CD44: variants seen among roughly 807,000 people sequenced by gnomAD.
CD44 encodes the protein CD44 antigen.
CD44 carries 49 observed loss-of-function variants against 88.8 expected under a neutral mutation model. The observed-to-expected ratio is 0.55, with a 90% confidence interval of 0.44 to 0.70. The LOEUF (loss-of-function observed/expected upper bound fraction) is 0.70, where lower values mean the gene tolerates loss of function less well. CD44 is among the 30% of genes least tolerant of loss of function. CD44 has a pLI of 0.00. For missense variants in CD44, 883 were observed against 913.8 expected (o/e 0.97, Z 0.43); for synonymous variants, 325 against 312.3 (o/e 1.04, Z -0.43).
chr11:35,229,049 G>C, intron 17 of CD44, 80 bp from the exon 18 acceptor site: 1 of 1,143,494 alleles, frequency 8.7e-7, no homozygotes, highest in Non-Finnish European at 1.3e-6. Context: ...GATCATCAAT[G>C]ATGGTGCTCA....
chr11:35,201,412 A>C (rs1947306697), intron 8 of CD44, among the ~76,000 whole-genome samples: 1 of 152,186 alleles, frequency 6.6e-6, no homozygotes, highest in Non-Finnish European at 1.5e-5. Context: ...GATAAAAATG[A>C]ATATGTTTGA....
chr11:35,193,816 A>C (rs1419631770), intron 5 of CD44, among the ~76,000 whole-genome samples: 3 of 152,240 alleles, frequency 2.0e-5, no homozygotes, highest in Admixed American at 6.5e-5. Context: ...ATATTGAATT[A>C]GAATAAAAAG....
chr11:35,142,970 T>A (rs1218361508), intron 1 of CD44, among the ~76,000 whole-genome samples: 2 of 152,114 alleles, frequency 1.3e-5, no homozygotes, highest in Non-Finnish European at 2.9e-5. Context: ...AGGGCATTTC[T>A]CTCATGTATC....
At chr11:35,157,317 G>GTCTA (rs1174911128) in intron 1 of CD44, among the ~76,000 whole-genome samples, 14 of 132,728 alleles carry the variant, frequency 1.1e-4, no homozygotes, top group Non-Finnish European at 1.7e-4. Context: ...CTATCTGTCT[G>GTCTA]TCTGTCTATC....
chr11:35,187,820 A>G (rs1487135814), intron 4 of CD44, among the ~76,000 whole-genome samples: 2 of 152,230 alleles, frequency 1.3e-5, no homozygotes. Flanking sequence ...TTTATACCAC[A>G]TCCATCTTAA....
intron 1 of CD44, among the ~76,000 whole-genome samples, chr11:35,161,782 G>A (rs907485043): frequency 6.6e-6 from 1 of 152,160 alleles, no homozygotes; most frequent in Non-Finnish European, 1.5e-5. Context: ...TCTTCTTATG[G>A]ACTGTGGGAG....
At chr11:35,207,057 A>G (rs1257008599) in intron 11 of CD44, among the ~76,000 whole-genome samples, 1 of 152,246 alleles carries the variant, frequency 6.6e-6, no homozygotes, top group Non-Finnish European at 1.5e-5. Context: ...AAGAGGGAAG[A>G]TGAACAAGAG....
At chr11:35,197,554 T>A (rs568410403) in intron 6 of CD44, 1 of 152,696 alleles carries the variant, frequency 6.5e-6, no homozygotes, top group African/African-American at 2.4e-5. Flanking sequence ...TTTTGCTCTA[T>A]GCTGAAGTAG....
Position 35,196,504 on chromosome 11 carries a change from C to T in CD44, c.668-242C>T, listed in dbSNP as rs540687278. On this transcript the variant is annotated intron_variant, in intron 5 of 17. Transcript: ENST00000428726. ...GCTCTGTCCAGCAAAATTTTTAAAT[C>T]TTTAATATAAGGAGCATGAACCAGA... Among the ~76,000 whole-genome samples, 9 of 145,874 alleles carry T rather than the reference C, an allele frequency of 6.2e-5. 1 individual carries two copies. The highest frequency in any genetic ancestry group is 4.1e-4 in the Admixed American group (6 of 14,552).
intron 1 of CD44, among the ~76,000 whole-genome samples, chr11:35,149,429 C>T (rs893074400): frequency 6.6e-6 from 1 of 152,164 alleles, no homozygotes; most frequent in East Asian, 1.9e-4. Flanking sequence ...TTAACAGCAG[C>T]GTGAGCTTGG....
At chr11:35,171,574 C>T in intron 1 of CD44, among the ~76,000 whole-genome samples, 1 of 152,164 alleles carries the variant, frequency 6.6e-6, no homozygotes, top group Non-Finnish European at 1.5e-5. Flanking sequence ...CACACACTCA[C>T]TTGCATACAA....
intron 17 of CD44, among the ~76,000 whole-genome samples, chr11:35,226,491 T>C (rs1377359061): frequency 6.6e-6 from 1 of 152,162 alleles, no homozygotes; most frequent in Non-Finnish European, 1.5e-5. Flanking sequence ...ACGAGGTAGG[T>C]GGAGGCAGCC....
rs1465992153 is a variant in CD44 at position 35,176,751 on chromosome 11, A to G, written c.233+11A>G. 1.2e-6 allele frequency: 2 copies of G among 1,611,824 alleles called. No homozygotes were observed. On this transcript the variant is annotated intron_variant, in intron 2 of 17. Coordinates refer to ENST00000428726, the MANE Select transcript of CD44 (RefSeq NM_000610.4). ...ATTTGAGACCTGCAGGTAAGAGACC[A>G]GCACCCGACCACTGGGGAAAGCTGG... is the stretch of plus-strand genomic sequence containing the variant.
chr11:35,199,931 G>GTTTT (rs1565118834), intron 7 of CD44, among the ~76,000 whole-genome samples: 1 of 36,164 alleles, frequency 2.8e-5, no homozygotes, highest in African/African-American at 7.6e-5. Context: ...TTCCCATGGT[G>GTTTT]TTGTTTTTTT....
Position 35,192,790 on chromosome 11 carries a change from C to CTTTT in CD44, c.667+2742_667+2745dup, listed in dbSNP as rs35505196. On this transcript the variant is annotated intron_variant, in intron 5 of 17. Coordinates refer to ENST00000428726, the MANE Select transcript of CD44 (RefSeq NM_000610.4). ...CTTCTGGGTGTCAAAGGAATTCTTTCTTTTTTTTTTTTTTTTTTTTCAGAT... is the reference window on the plus strand; with the variant it reads ...CTTCTGGGTGTCAAAGGAATTCTTTCTTTTTTTTTTTTTTTTTTTTTTTTCAGAT... Among the ~76,000 whole-genome samples, 159 of 109,478 alleles carry CTTTT rather than the reference C, an allele frequency of 1.5e-3. 2 individuals carry two copies. Among genetic ancestry groups the CTTTT allele is most frequent in the African/African-American group, 2.5e-3 (68 of 27,320 alleles). 71.8% of individuals were successfully genotyped at this position (109,478 alleles called of 152,430 possible).
intron 1 of CD44, among the ~76,000 whole-genome samples, chr11:35,155,574 C>G (rs1347183273): frequency 6.6e-6 from 1 of 152,148 alleles, no homozygotes; most frequent in Admixed American, 6.5e-5. Context: ...CCTTTCCTGT[C>G]TTCTACAAAA....
intron 1 of CD44, among the ~76,000 whole-genome samples, chr11:35,174,646 A>G (rs1261442111): frequency 1.3e-5 from 2 of 152,244 alleles, no homozygotes; most frequent in East Asian, 3.8e-4. Flanking sequence ...AATGTCTACA[A>G]AACTCACTAA....
intron 3 of CD44, among the ~76,000 whole-genome samples, chr11:35,181,875 TATATATAA>T (rs1945077379): frequency 1.3e-5 from 1 of 78,890 alleles, no homozygotes; most frequent in Non-Finnish European, 2.2e-5. Flanking sequence ...ATATATATAT[TATATATAA>T]TTCTATATAT....
intron 1 of CD44, among the ~76,000 whole-genome samples, chr11:35,160,071 G>A (rs1942409690): frequency 6.6e-6 from 1 of 152,210 alleles, no homozygotes; most frequent in Non-Finnish European, 1.5e-5. Flanking sequence ...GGCCATCAAA[G>A]ATCAAGGTGC....
Sources: allele counts gnomAD v4.1 joint callset (sites outside exome capture counted in the v4.1 genomes callset), GRCh38; gene constraint gnomAD v4.1.1; transcripts MANE v1.5; gene names NCBI Gene and HGNC (gene_info 2026-07-23, HGNC 2026-07-21).